Variants in FBXL7 observed in about 807,000 individuals in gnomAD.
FBXL7 encodes F-box and leucine rich repeat protein 7, also known as F-box/LRR-repeat protein 7.
FBXL7 carries 12 observed loss-of-function variants against 38.3 expected under a neutral mutation model. That is an observed-to-expected ratio of 0.31 (90% CI 0.20 to 0.51). FBXL7 has a LOEUF of 0.51. FBXL7 is among the 20% of genes least tolerant of loss of function. The pLI, the probability that FBXL7 is intolerant of heterozygous loss-of-function variation, is 0.98. For synonymous variants in FBXL7, 297 were observed against 300.9 expected (o/e 0.99, Z 0.13); for missense variants, 567 against 676.4 (o/e 0.84, Z 1.79).
At chr5:15,550,276 G>T (rs909446621) in intron 1 of FBXL7, among the ~76,000 whole-genome samples, 1 of 152,178 alleles carries the variant, frequency 6.6e-6, no homozygotes, top group Non-Finnish European at 1.5e-5. Context: ...CTAAGCTGTT[G>T]GGAGATAGCT....
chr5:15,502,557 A>G (rs1736526036), intron 1 of FBXL7, among the ~76,000 whole-genome samples: 1 of 152,220 alleles, frequency 6.6e-6, no homozygotes, highest in African/African-American at 2.4e-5. Flanking sequence ...GACCAATAGG[A>G]AGCTTTACAA....
At chr5:15,635,503 A>T (rs540738931) in intron 2 of FBXL7, among the ~76,000 whole-genome samples, 1 of 152,164 alleles carries the variant, frequency 6.6e-6, no homozygotes, top group Non-Finnish European at 1.5e-5. Flanking sequence ...GGGAGAGGGA[A>T]TTGATGACCC....
At chr5:15,546,084 TTA>T (rs748526484) in intron 1 of FBXL7, among the ~76,000 whole-genome samples, 1 of 152,252 alleles carries the variant, frequency 6.6e-6, no homozygotes, top group African/African-American at 2.4e-5. Flanking sequence ...CATGCATGTG[TTA>T]TATTAAATGA....
intron 2 of FBXL7, among the ~76,000 whole-genome samples, chr5:15,892,448 C>T (rs554192595): frequency 6.6e-4 from 100 of 152,194 alleles, no homozygotes; most frequent in African/African-American, 2.3e-3. Flanking sequence ...GGGTCTACAA[C>T]GGCAATGGCT....
intron 2 of FBXL7, among the ~76,000 whole-genome samples, chr5:15,830,357 G>A (rs1480041231): frequency 2.0e-5 from 3 of 151,796 alleles, no homozygotes; most frequent in Admixed American, 6.6e-5. Flanking sequence ...GGTGGCACAC[G>A]CCTGTAATCC....
intron 2 of FBXL7, among the ~76,000 whole-genome samples, chr5:15,747,436 A>T (rs997827993): frequency 7.9e-5 from 12 of 152,168 alleles, no homozygotes; most frequent in African/African-American, 2.4e-4. Context: ...GTCCAACCTA[A>T]AAGTACTAGC....
intron 2 of FBXL7, among the ~76,000 whole-genome samples, chr5:15,675,807 T>C (rs11953541): frequency 0.26 from 40,105 of 152,210 alleles, 5,703 homozygotes; most frequent in Non-Finnish European, 0.32. Flanking sequence ...TGGTTTGAGT[T>C]AGATTTCTTT....
intron 2 of FBXL7, among the ~76,000 whole-genome samples, chr5:15,801,435 A>G (rs1737560567): frequency 6.6e-6 from 1 of 152,228 alleles, no homozygotes. Flanking sequence ...AAAAAAAGTC[A>G]TTGGGTCAAA....
chr5:15,906,198 T>C (rs1051880423), intron 2 of FBXL7, among the ~76,000 whole-genome samples: 1 of 152,052 alleles, frequency 6.6e-6, no homozygotes, highest in Non-Finnish European at 1.5e-5. Flanking sequence ...ATTGCAAAAT[T>C]TTATTGAGGA....
chr5:15,898,946 C>T (rs1741170062), intron 2 of FBXL7, among the ~76,000 whole-genome samples: 1 of 151,972 alleles, frequency 6.6e-6, no homozygotes, highest in Admixed American at 6.6e-5. Flanking sequence ...GAATAAGTCA[C>T]AGAGCTTTCA....
chr5:15,619,075 T>C (rs1194660266), intron 2 of FBXL7, among the ~76,000 whole-genome samples: 2 of 152,168 alleles, frequency 1.3e-5, no homozygotes, highest in Non-Finnish European at 2.9e-5. Flanking sequence ...TCCCTTAGGG[T>C]GGTCTTCCTG....
At chr5:15,854,701 G>A (rs371262939) in intron 2 of FBXL7, among the ~76,000 whole-genome samples, 1 of 152,100 alleles carries the variant, frequency 6.6e-6, no homozygotes. Context: ...CATGCTTTCA[G>A]CCTGAAACAG....
chr5:15,617,874 T>C (rs1408501068), intron 2 of FBXL7, among the ~76,000 whole-genome samples: 3 of 152,248 alleles, frequency 2.0e-5, no homozygotes, highest in Non-Finnish European at 4.4e-5. Context: ...TTACAGTCAC[T>C]CTTGTCACCA....
intron 2 of FBXL7, among the ~76,000 whole-genome samples, chr5:15,658,624 A>C (rs1372947006): frequency 6.6e-6 from 1 of 151,886 alleles, no homozygotes; most frequent in East Asian, 1.9e-4. Flanking sequence ...TGAGTGAGCA[A>C]CTCCTGTCCT....
At chr5:15,566,769 G>A (rs975772329) in intron 1 of FBXL7, among the ~76,000 whole-genome samples, 8 of 152,282 alleles carry the variant, frequency 5.3e-5, no homozygotes, top group African/African-American at 1.9e-4. Flanking sequence ...AACCTGAGTT[G>A]TGTGAAATGC....
intron 2 of FBXL7, among the ~76,000 whole-genome samples, chr5:15,702,284 A>G (rs1743550641): frequency 1.3e-5 from 2 of 152,070 alleles, no homozygotes; most frequent in African/African-American, 4.8e-5. Context: ...CTGACTCAGA[A>G]CTGAAGGCTG....
intron 1 of FBXL7, chr5:15,501,447 T>C: frequency 3.0e-6 from 3 of 985,572 alleles, no homozygotes; most frequent in Non-Finnish European, 3.6e-6. Context: ...CATAAAACCG[T>C]AGCGTTGTAT....
At chr5:15,913,558 A>T (rs761204421) in intron 2 of FBXL7, among the ~76,000 whole-genome samples, 1 of 152,170 alleles carries the variant, frequency 6.6e-6, no homozygotes, top group African/African-American at 2.4e-5. Context: ...GTGAACTGAA[A>T]ATGTATTAGT....
chr5:15,601,328 T>C (rs1412548688), intron 1 of FBXL7, among the ~76,000 whole-genome samples: 1 of 152,198 alleles, frequency 6.6e-6, no homozygotes, highest in Non-Finnish European at 1.5e-5. Flanking sequence ...AAAATGACTT[T>C]TGATTGATTT....
Sources: allele counts gnomAD v4.1 joint callset (sites outside exome capture counted in the v4.1 genomes callset), GRCh38; gene constraint gnomAD v4.1.1; transcripts MANE v1.5; gene names NCBI Gene and HGNC (gene_info 2026-07-23, HGNC 2026-07-21).